The following CTDSPL variants were observed in gnomAD, a reference collection of about 807,000 sequenced individuals.
CTDSPL encodes the protein CTD small phosphatase-like protein.
Under a neutral mutation model 30.5 loss-of-function variants are expected in CTDSPL, and 8 were observed. The observed-to-expected ratio is 0.26, with a 90% CI of 0.15 to 0.47. The LOEUF is 0.47. Ranked by LOEUF, CTDSPL falls within the 20% of genes least tolerant of loss-of-function variation. The pLI is 0.99. For synonymous variants in CTDSPL, 110 were observed against 137.9 expected (o/e 0.80, Z 1.42); for missense variants, 248 against 366.1 (o/e 0.68, Z 2.63).
chr3:37,909,378 G>A (rs1158641248), intron 1 of CTDSPL, among the ~76,000 whole-genome samples: 1 of 152,236 alleles, frequency 6.6e-6, no homozygotes, highest in African/African-American at 2.4e-5. Flanking sequence ...GCTCTTCCCA[G>A]ATCCTAGGGC....
At chr3:37,876,840 G>A (rs553296735) in intron 1 of CTDSPL, among the ~76,000 whole-genome samples, 1 of 151,832 alleles carries the variant, frequency 6.6e-6, no homozygotes, top group East Asian at 1.9e-4. Context: ...TTTAGCAGTG[G>A]CTCACACCTG....
intron 1 of CTDSPL, among the ~76,000 whole-genome samples, chr3:37,870,061 C>CT (rs1698055702): frequency 1.3e-5 from 2 of 151,716 alleles, no homozygotes; most frequent in Admixed American, 6.6e-5. Flanking sequence ...CTGCAGTTTT[C>CT]TTTTTTTGTG....
intron 1 of CTDSPL, among the ~76,000 whole-genome samples, chr3:37,891,992 T>C (rs1048589514): frequency 6.6e-6 from 1 of 152,250 alleles, no homozygotes; most frequent in African/African-American, 2.4e-5. Context: ...ATACAACTTT[T>C]GTTTCTGTTG....
At chr3:37,902,091 ACT>A (rs758585000) in intron 1 of CTDSPL, among the ~76,000 whole-genome samples, 12 of 151,586 alleles carry the variant, frequency 7.9e-5, no homozygotes, top group Middle Eastern at 3.4e-3. Context: ...TGTTCTTGAA[ACT>A]CTCAGCTTAT....
At chr3:37,885,980 G>A (rs1698258298) in intron 1 of CTDSPL, among the ~76,000 whole-genome samples, 1 of 152,170 alleles carries the variant, frequency 6.6e-6, no homozygotes, top group Admixed American at 6.5e-5. Context: ...GGGTCCTGGA[G>A]CTTTTCCAGT....
At chr3:37,900,489 AGT>A (rs922571937) in intron 1 of CTDSPL, among the ~76,000 whole-genome samples, 1 of 152,236 alleles carries the variant, frequency 6.6e-6, no homozygotes, top group African/African-American at 2.4e-5. Context: ...AGAAAGGGAA[AGT>A]GTGACAGGTT....
At position 37,940,426 on chromosome 3, in the gene CTDSPL, G is replaced by T. The variant is rs571169981; in HGVS notation, c.80-6631G>T. Reference sequence around the variant, plus strand: ...TTACATAACTGAAAATTCCAGAAGGGTCTGGTTTTAATAAAACCAAGTCCT... The same window carrying T: ...TTACATAACTGAAAATTCCAGAAGGTTCTGGTTTTAATAAAACCAAGTCCT... On this transcript the variant is annotated intron_variant, in intron 1 of 7. Coordinates refer to ENST00000273179, the MANE Select transcript of CTDSPL (RefSeq NM_001008392.2). Among the ~76,000 whole-genome samples the T allele has an allele frequency of 3.5e-3, 521 of 150,616 alleles. 31 individuals are homozygous for T. The highest frequency in any genetic ancestry group is 5.2e-3 in the Admixed American group (78 of 15,040).
chr3:37,947,174 T>C lies in CTDSPL; in HGVS notation c.197T>C (p.Leu66Pro), dbSNP rs1239480867. Reference sequence around the variant, plus strand: ...CCTCCACCCAGCAGCCCCAGTGTGCTTCCGCCACTGGTGGAGGAGAATGGT... The same window carrying C: ...CCTCCACCCAGCAGCCCCAGTGTGCCTCCGCCACTGGTGGAGGAGAATGGT... The part of the protein sequence containing the change: ...EAPPPSSPSV[L>P]PPLVEENGGL... The change falls in exon 2 of 8, where the codon CTT (leucine) becomes CCT (proline). Residue 66 changes from leucine to proline, a missense_variant. Physicochemically the swap from Leu to Pro is moderately conservative, Grantham distance 98. This residue lies in a region of CTDSPL where 118 missense variants were observed against 124.7 expected (regional missense o/e 0.95). Coordinates refer to ENST00000273179, the MANE Select transcript of CTDSPL (RefSeq NM_001008392.2). 2 of 1,612,568 alleles carry C rather than the reference T, an allele frequency of 1.2e-6. No individual in the cohort carries two copies. The highest frequency in any genetic ancestry group is 2.7e-5 in the African/African-American group (2 of 74,896).
chr3:37,982,577 G>C lies in CTDSPL; in HGVS notation c.*1710G>C, dbSNP rs1413718920. 6.6e-6 allele frequency: 3 copies of C among 456,590 alleles called. No homozygotes were observed. The highest frequency in any genetic ancestry group is 4.0e-5 in the African/African-American group (2 of 50,072). 28.3% of individuals were successfully genotyped at this position (456,590 alleles called of 1,614,324 possible). On this transcript the variant is annotated 3_prime_UTR_variant, in exon 8 of 8. Transcript: ENST00000273179. ...TTTCATTCACAAAGTAATGAAGCCAGCTGCCAATTACATCCTCCCAACAGC... is the reference window on the plus strand; with the variant it reads ...TTTCATTCACAAAGTAATGAAGCCACCTGCCAATTACATCCTCCCAACAGC...
intron 1 of CTDSPL, among the ~76,000 whole-genome samples, chr3:37,945,950 G>C (rs868342419): frequency 6.6e-6 from 1 of 152,226 alleles, no homozygotes; most frequent in African/African-American, 2.4e-5. Context: ...CAAATCACTC[G>C]TAAGTGCACA....
chr3:37,960,531 T>TACAC (rs1264623772), intron 3 of CTDSPL, among the ~76,000 whole-genome samples: 59 of 47,268 alleles, frequency 1.2e-3, no homozygotes, highest in Non-Finnish European at 1.6e-3. Context: ...TATATATATA[T>TACAC]ATATACACAC....
chr3:37,939,270 C>T (rs961487339), intron 1 of CTDSPL, among the ~76,000 whole-genome samples: 1 of 150,156 alleles, frequency 6.7e-6, no homozygotes, highest in South Asian at 2.2e-4. Context: ...TGTGCCCATA[C>T]AATAGTCCTG....
intron 1 of CTDSPL, among the ~76,000 whole-genome samples, chr3:37,895,895 A>G (rs1698385450): frequency 6.6e-6 from 1 of 152,222 alleles, no homozygotes; most frequent in Admixed American, 6.5e-5. Flanking sequence ...CTAATAGTGA[A>G]CTGTAGTTAA....
At chr3:37,875,840 A>G (rs563595441) in intron 1 of CTDSPL, among the ~76,000 whole-genome samples, 1 of 152,344 alleles carries the variant, frequency 6.6e-6, no homozygotes, top group South Asian at 2.1e-4. Flanking sequence ...TTGAGTTGCT[A>G]TTAATTCTAA....
At chr3:37,910,527 A>T (rs1054043808) in intron 1 of CTDSPL, among the ~76,000 whole-genome samples, 1 of 152,146 alleles carries the variant, frequency 6.6e-6, no homozygotes, top group Non-Finnish European at 1.5e-5. Context: ...AACCAGTCTG[A>T]ATATTTTACT....
intron 5 of CTDSPL, chr3:37,969,480 C>T (rs747746725): frequency 1.4e-5 from 7 of 489,644 alleles, no homozygotes; most frequent in Non-Finnish European, 2.5e-5. Flanking sequence ...CACGGGGACG[C>T]GGGCCTGGAC....
Position 37,982,171 on chromosome 3 carries a change from C to T in CTDSPL, c.*1304C>T. 3.2e-6 allele frequency: 1 copy of T among 312,116 alleles called. No homozygotes were observed. Among genetic ancestry groups the T allele is most frequent in the Non-Finnish European group, 6.3e-6 (1 of 158,120 alleles). The allele number at this position is 312,116 out of a possible 1,614,324, so 19.3% of individuals were successfully genotyped here. On this transcript the variant is annotated 3_prime_UTR_variant, in exon 8 of 8. Coordinates refer to ENST00000273179, the MANE Select transcript of CTDSPL (RefSeq NM_001008392.2). Reference sequence around the variant, plus strand: ...CTTGAGAACCTGTGGCCTCAACCAGCCACCAAGCTGATGTGGCCCAAGTCC... The same window carrying T: ...CTTGAGAACCTGTGGCCTCAACCAGTCACCAAGCTGATGTGGCCCAAGTCC...
chr3:37,865,812 C>T (rs1342576858), intron 1 of CTDSPL, among the ~76,000 whole-genome samples: 1 of 152,088 alleles, frequency 6.6e-6, no homozygotes, highest in Admixed American at 6.5e-5. Context: ...AACGCAAAAA[C>T]ATTCCTAGGG....
At chr3:37,893,640 G>A (rs1698357204) in intron 1 of CTDSPL, among the ~76,000 whole-genome samples, 1 of 152,170 alleles carries the variant, frequency 6.6e-6, no homozygotes, top group African/African-American at 2.4e-5. Flanking sequence ...TTAGTGGTCA[G>A]TTCTACATTC....
Sources: gnomAD v4.1 joint callset for allele counts (sites outside exome capture counted in the v4.1 genomes callset) on GRCh38, gnomAD v4.1.1 for gene constraint, gnomAD v4.1.1 regional missense constraint, MANE v1.5 for transcripts, NCBI Gene and HGNC (gene_info 2026-07-23, HGNC 2026-07-21) for gene names.